The following USP7 variants were observed in gnomAD, a reference collection of about 807,000 sequenced individuals.
USP7 encodes ubiquitin specific peptidase 7.
A neutral mutation model predicts 162.9 loss-of-function variants in USP7; 9 were observed. The observed-to-expected ratio is 0.06, with a 90% CI of 0.03 to 0.10. The LOEUF is 0.10. USP7 is among the 10% of genes least tolerant of loss of function. The pLI, the probability that USP7 is intolerant of heterozygous loss-of-function variation, is 1.00. For missense variants in USP7, 715 were observed against 1,373.7 expected (o/e 0.52, Z 7.58); for synonymous variants, 562 against 475.9 (o/e 1.18, Z -2.35).
intron 12 of USP7, 31 bp from the exon 13 acceptor site, chr16:8,906,613 T>C (rs750686047): frequency 1.9e-6 from 3 of 1,596,534 alleles, no homozygotes; most frequent in Non-Finnish European, 2.6e-6. Context: ...AGAAATTCAG[T>C]ATTAATTTAC....
intron 5 of USP7, among the ~76,000 whole-genome samples, 163 bp from the exon 6 acceptor site, chr16:8,919,302 A>G (rs1432993366): frequency 6.6e-6 from 1 of 151,896 alleles, no homozygotes; most frequent in Admixed American, 6.6e-5. Flanking sequence ...TGCTTGCTCC[A>G]GTGTGTGAAC....
At chr16:8,952,513 C>A (rs1325325590) in intron 1 of USP7, among the ~76,000 whole-genome samples, 2 of 152,154 alleles carry the variant, frequency 1.3e-5, no homozygotes, top group African/African-American at 4.8e-5. Flanking sequence ...GCTTCCGGGT[C>A]CTAGAGCCAC....
At chr16:8,911,941 A>C (rs1179576635) in intron 10 of USP7, among the ~76,000 whole-genome samples, 1 of 152,142 alleles carries the variant, frequency 6.6e-6, no homozygotes, top group Admixed American at 6.5e-5. Context: ...ACCGCTGAAC[A>C]CCTGGGAGAC....
chr16:8,948,431 G>A (rs887666398), intron 1 of USP7, among the ~76,000 whole-genome samples: 2 of 151,994 alleles, frequency 1.3e-5, no homozygotes, highest in Non-Finnish European at 1.5e-5. Context: ...GCTATCCACC[G>A]GCCTCGGCCT....
intron 1 of USP7, among the ~76,000 whole-genome samples, chr16:8,948,566 C>T (rs189344858): frequency 1.3e-5 from 2 of 152,270 alleles, no homozygotes; most frequent in South Asian, 2.1e-4. Flanking sequence ...CTGACTAAAG[C>T]CTATTACAGA....
In USP7 at chr16:8,915,318, G is replaced by A. The variant is rs764723797; in HGVS notation, c.1014C>T (p.Asp338=). 46 of 1,613,006 alleles carry A rather than the reference G, an allele frequency of 2.9e-5. No individual in the cohort carries two copies. The highest frequency in any genetic ancestry group is 3.9e-5 in the Non-Finnish European group (46 of 1,179,788). The change falls in exon 10 of 31, where the codon GAC becomes GAT. Residue 338 remains aspartate, a synonymous_variant. Coordinates refer to ENST00000344836, the MANE Select transcript of USP7 (RefSeq NM_003470.3). ...MVSYIQCKEV[D]YRSDRREDYY... is the part of the protein sequence containing the mutation. ...AATCTTCTCTTCTATCAGACCGATA[G>A]TCTACTTCTTTACACTGGATATAGG...
rs549496329 is a variant in USP7 at position 8,943,054 on chromosome 16, C to T, written c.80-12657G>A. On this transcript the variant is annotated intron_variant, in intron 1 of 30. Coordinates refer to ENST00000344836, the MANE Select transcript of USP7 (RefSeq NM_003470.3). The stretch of plus-strand genomic sequence containing the variant: ...AGTGTTCAAAGTGGACCCACTTTGA[C>T]GCTTTGCTCTATATGCTGAAATAAT... Among the ~76,000 whole-genome samples, 14 of 152,258 alleles carry T rather than the reference C, an allele frequency of 9.2e-5. No homozygotes were observed. In the South Asian group the frequency reaches 2.7e-3, roughly 29 times the overall value.
intron 1 of USP7, among the ~76,000 whole-genome samples, chr16:8,938,466 A>G (rs139865632): frequency 0.015 from 2,241 of 152,168 alleles, 166 homozygotes; most frequent in Admixed American, 0.13. Flanking sequence ...TAATCCCAGC[A>G]CTGTAGGAGG....
chr16:8,942,689 A>C (rs1052948668), intron 1 of USP7, among the ~76,000 whole-genome samples: 1 of 152,086 alleles, frequency 6.6e-6, no homozygotes. Flanking sequence ...CTGGGACTAC[A>C]GGCGCACACC....
At chr16:8,951,593 C>A (rs1899553392) in intron 1 of USP7, among the ~76,000 whole-genome samples, 1 of 152,178 alleles carries the variant, frequency 6.6e-6, no homozygotes, top group Non-Finnish European at 1.5e-5. Context: ...GACTGAGGAC[C>A]TGAGCGCATG....
chr16:8,937,119 C>T (rs1031079401), intron 1 of USP7, among the ~76,000 whole-genome samples: 1 of 152,136 alleles, frequency 6.6e-6, no homozygotes, highest in South Asian at 2.1e-4. Context: ...AATTTCAGGG[C>T]ACCTTACCAC....
At chr16:8,930,788 G>A (rs371238922) in intron 1 of USP7, among the ~76,000 whole-genome samples, 2 of 152,146 alleles carry the variant, frequency 1.3e-5, no homozygotes, top group Non-Finnish European at 2.9e-5. Flanking sequence ...GGCCAACATG[G>A]TGAAACCCCG....
At chr16:8,941,354 C>T (rs916507760) in intron 1 of USP7, among the ~76,000 whole-genome samples, 1 of 152,232 alleles carries the variant, frequency 6.6e-6, no homozygotes. Flanking sequence ...ACATACCCTA[C>T]ATATCCTGCA....
At chr16:8,931,893 CCT>C (rs1409930952) in intron 1 of USP7, among the ~76,000 whole-genome samples, 3 of 152,210 alleles carry the variant, frequency 2.0e-5, no homozygotes, top group African/African-American at 7.2e-5. Context: ...GTCGGCTTTC[CCT>C]GGTGCACTGG....
chr16:8,950,721 C>T (rs1899509040), intron 1 of USP7, among the ~76,000 whole-genome samples: 2 of 152,232 alleles, frequency 1.3e-5, no homozygotes, highest in African/African-American at 2.4e-5. Flanking sequence ...GAAGCTCAAC[C>T]AGTCACCCGC....
intron 15 of USP7, 40 bp from the exon 16 acceptor site, chr16:8,903,442 T>A (rs998765452): frequency 5.7e-6 from 9 of 1,592,048 alleles, no homozygotes; most frequent in African/African-American, 4.1e-5. Context: ...ACTTGACAAC[T>A]GACAAAAAAT....
rs780400836 is a variant in USP7, at chr16:8,892,165, A to C, written c.*1833T>G. The C allele has an allele frequency of 1.3e-5, 2 of 152,128 alleles. No homozygotes were observed. Among genetic ancestry groups the C allele is most frequent in the Non-Finnish European group, 2.9e-5 (2 of 68,034 alleles). The allele number at this position is 152,128 out of a possible 1,614,324, so 9.4% of individuals were successfully genotyped here. ...TTTCAGTTACCTAAGACTACAGCCA[A>C]CCCCCAGCCCAGAACAAAAACAAGA... On this transcript the variant is annotated 3_prime_UTR_variant, in exon 31 of 31. Transcript: ENST00000344836.
At chr16:8,940,884 G>A (rs772372409) in intron 1 of USP7, among the ~76,000 whole-genome samples, 5 of 151,434 alleles carry the variant, frequency 3.3e-5, no homozygotes, top group Non-Finnish European at 2.9e-5. Flanking sequence ...CCAGAACCTG[G>A]AATATATACA....
chr16:8,905,631 ACATT>A (rs1366557708), intron 13 of USP7, among the ~76,000 whole-genome samples: 1 of 152,204 alleles, frequency 6.6e-6, no homozygotes, highest in Non-Finnish European at 1.5e-5. Flanking sequence ...TTTTCCACTT[ACATT>A]CAATCTACTG....
Sources: allele counts gnomAD v4.1 joint callset (sites outside exome capture counted in the v4.1 genomes callset), GRCh38; gene constraint gnomAD v4.1.1; transcripts MANE v1.5; gene names NCBI Gene and HGNC (gene_info 2026-07-23, HGNC 2026-07-21).